TNFSF15: variants seen among roughly 807,000 people sequenced by gnomAD.
TNFSF15 encodes the protein TNF superfamily member 15, also known as tumor necrosis factor ligand superfamily member 15.
In TNFSF15, 15 loss-of-function variants were observed where a neutral mutation model predicts 26.4. The observed-to-expected ratio is 0.57, with a 90% confidence interval of 0.38 to 0.87. TNFSF15 has a LOEUF of 0.87. Among genes scored for constraint, TNFSF15 ranks in the 40% least tolerant of loss-of-function variants. The pLI, the probability that TNFSF15 is intolerant of heterozygous loss-of-function variation, is 0.00. For missense variants in TNFSF15, 290 were observed against 306.1 expected, an observed-to-expected ratio of 0.95 and a Z score of 0.39; for synonymous variants, 116 against 115.0, an observed-to-expected ratio of 1.01 and a Z score of -0.06.
intron 1 of TNFSF15, among the ~76,000 whole-genome samples, chr9:114,803,860 A>G (rs1359756544): frequency 6.6e-6 from 1 of 152,178 alleles, no homozygotes; most frequent in African/African-American, 2.4e-5. Flanking sequence ...ATGCCAAGGC[A>G]TGGTTGCTGG....
rs1464229248 is a variant in TNFSF15, at chr9:114,790,319, G to A, written c.*133C>T. 2 of 899,476 alleles carry A rather than the reference G, an allele frequency of 2.2e-6. No individual in the cohort carries two copies. The highest frequency in any genetic ancestry group is 3.4e-6 in the Non-Finnish European group (2 of 594,214). The allele number at this position is 899,476 out of a possible 1,614,324, so 55.7% of individuals were successfully genotyped here. On this transcript the variant is annotated 3_prime_UTR_variant, in exon 4 of 4. Coordinates refer to ENST00000374045, the MANE Select transcript of TNFSF15 (RefSeq NM_005118.4). ...GAAATTTTGGGCCCCAAATTTCATA[G>A]CTAAACCGTTGTCCCTGTGGAATGC...
At chr9:114,801,807 T>G (rs547689501) in intron 1 of TNFSF15, among the ~76,000 whole-genome samples, 25 of 152,324 alleles carry the variant, frequency 1.6e-4, no homozygotes, top group Admixed American at 7.2e-4. Flanking sequence ...GTTTTATTAT[T>G]TCTATACTTT....
intron 1 of TNFSF15, among the ~76,000 whole-genome samples, chr9:114,800,812 A>G (rs2131306836): frequency 6.6e-6 from 1 of 152,282 alleles, no homozygotes; most frequent in Non-Finnish European, 1.5e-5. Flanking sequence ...ATAATAAGTT[A>G]TTAAGAGGTC....
chr9:114,790,995 T>G, intron 3 of TNFSF15, 89 bp from the exon 4 acceptor site: 1 of 1,332,140 alleles, frequency 7.5e-7, no homozygotes, highest in Non-Finnish European at 1.0e-6. Context: ...CAAAATAGAC[T>G]AAAGTGATCG....
Position 114,786,693 on chromosome 9 carries a change from A to G in TNFSF15, c.*3759T>C, listed in dbSNP as rs191785709. 8 of 152,194 alleles carry G rather than the reference A, an allele frequency of 5.3e-5. No homozygotes were observed. Among genetic ancestry groups the G allele is most frequent in the Non-Finnish European group, 1.0e-4 (7 of 68,012 alleles). The allele number at this position is 152,194 out of a possible 1,614,324, so 9.4% of individuals were successfully genotyped here. Reference sequence around the variant, plus strand: ...TTTGGAAGGCTGAGGCGGGCGGATCACGAGGTCAGGAGATCGAGACCATCC... The same window carrying G: ...TTTGGAAGGCTGAGGCGGGCGGATCGCGAGGTCAGGAGATCGAGACCATCC... On this transcript the variant is annotated 3_prime_UTR_variant, in exon 4 of 4. Transcript: ENST00000374045.
At chr9:114,792,184 A>G in intron 3 of TNFSF15, 1 of 553,304 alleles carries the variant, frequency 1.8e-6, no homozygotes, top group Non-Finnish European at 3.1e-6. Context: ...AGATGAATAG[A>G]TAAGGAAAAC....
chr9:114,797,080 A>G (rs1261800744), intron 1 of TNFSF15, among the ~76,000 whole-genome samples: 3 of 152,322 alleles, frequency 2.0e-5, no homozygotes, highest in South Asian at 4.1e-4. Context: ...TAGGAAAGGT[A>G]CCTGCCCTGG....
At chr9:114,801,013 C>A (rs1295174907) in intron 1 of TNFSF15, among the ~76,000 whole-genome samples, 2 of 152,078 alleles carry the variant, frequency 1.3e-5, no homozygotes, top group Non-Finnish European at 1.5e-5. Context: ...TGGAGGGAAC[C>A]AAGGAGAATG....
chr9:114,791,211 A>T, intron 3 of TNFSF15: 1 of 529,622 alleles, frequency 1.9e-6, no homozygotes, highest in Non-Finnish European at 3.4e-6. Flanking sequence ...AGGTTAAGGA[A>T]TCCCCCTATT....
chr9:114,794,257 G>A (rs890356815), intron 1 of TNFSF15, among the ~76,000 whole-genome samples: 3 of 152,178 alleles, frequency 2.0e-5, no homozygotes, highest in Admixed American at 1.3e-4. Context: ...TTACTCATAG[G>A]ATTGAGGTGA....
Position 114,786,082 on chromosome 9 carries a change from A to G in TNFSF15, c.*4370T>C, listed in dbSNP as rs1172940035. 6.6e-6 allele frequency: 1 copy of G among 152,350 alleles called. No individual in the cohort carries two copies. Among genetic ancestry groups the G allele is most frequent in the Non-Finnish European group, 1.5e-5 (1 of 68,044 alleles). The allele number at this position is 152,350 out of a possible 1,614,324, so 9.4% of individuals were successfully genotyped here. On this transcript the variant is annotated 3_prime_UTR_variant, in exon 4 of 4. Transcript: ENST00000374045. ...TGGCTCTGATCCACATTCTCTCACCACTGGTGCAAAAGGATTCAAGGCTTA... is the reference window on the plus strand; with the variant it reads ...TGGCTCTGATCCACATTCTCTCACCGCTGGTGCAAAAGGATTCAAGGCTTA...
In TNFSF15 at chr9:114,785,223, G is replaced by A. The variant is rs1829478917; in HGVS notation, c.*5229C>T. 1 of 152,208 alleles carries A rather than the reference G, an allele frequency of 6.6e-6. No homozygotes were observed. The highest frequency in any genetic ancestry group is 1.5e-5 in the Non-Finnish European group (1 of 68,038). 9.4% of individuals were successfully genotyped at this position (152,208 alleles called of 1,614,324 possible). On this transcript the variant is annotated 3_prime_UTR_variant, in exon 4 of 4. Transcript: ENST00000374045. ...CTACTGTCTGGCACTGGCCACGAAGGGTGACAGGGTGTGGATGTGATGGCT... is the reference window on the plus strand; with the variant it reads ...CTACTGTCTGGCACTGGCCACGAAGAGTGACAGGGTGTGGATGTGATGGCT...
Position 114,790,699 on chromosome 9 carries a change from C to A in TNFSF15, c.509G>T (p.Arg170Leu), listed in dbSNP as rs144487361. Reference sequence around the variant, plus strand: ...AGTGATGGAGTCTGGCTTGTTTGGTCGGCCTGCTTGTCTGATTTCACTGCA... The same window carrying A: ...AGTGATGGAGTCTGGCTTGTTTGGTAGGCCTGCTTGTCTGATTTCACTGCA... ...SECSEIRQAG[R>L]PNKPDSITVV... The change falls in exon 4 of 4, where the codon CGA becomes CTA. Residue 170 changes from arginine to leucine, a missense_variant. Coordinates refer to ENST00000374045, the MANE Select transcript of TNFSF15 (RefSeq NM_005118.4). 6.2e-7 allele frequency: 1 copy of A among 1,613,972 alleles called. No homozygotes were observed.
intron 3 of TNFSF15, 136 bp from the exon 4 acceptor site, chr9:114,791,042 ATGAATGAAGAATATG>A: frequency 3.9e-6 from 3 of 765,926 alleles, no homozygotes; most frequent in Non-Finnish European, 6.4e-6. Context: ...TTGGGGAGGA[ATGAATGAAGAATATG>A]TGACTGGACA....
intron 2 of TNFSF15, among the ~76,000 whole-genome samples, chr9:114,793,095 GTGT>G (rs1829627952): frequency 6.6e-6 from 1 of 152,166 alleles, no homozygotes; most frequent in Non-Finnish European, 1.5e-5. Context: ...AAATATGGTG[GTGT>G]TGATGATAAT....
chr9:114,792,691 G>C (rs1395413836), intron 2 of TNFSF15, among the ~76,000 whole-genome samples: 1 of 152,182 alleles, frequency 6.6e-6, no homozygotes, highest in Non-Finnish European at 1.5e-5. Flanking sequence ...TGGCCCCATG[G>C]CTTTGGGCAA....
At position 114,788,501 on chromosome 9, in the gene TNFSF15, T is replaced by C. The variant is rs1829541270; in HGVS notation, c.*1951A>G. 6.6e-6 allele frequency: 1 copy of C among 152,262 alleles called. No individual in the cohort carries two copies. Among genetic ancestry groups the C allele is most frequent in the Non-Finnish European group, 1.5e-5 (1 of 68,038 alleles). The allele number at this position is 152,262 out of a possible 1,614,324, so 9.4% of individuals were successfully genotyped here. On this transcript the variant is annotated 3_prime_UTR_variant, in exon 4 of 4. Coordinates refer to ENST00000374045, the MANE Select transcript of TNFSF15 (RefSeq NM_005118.4). ...TCAGAAATTAATTTTTATTTAATTA[T>C]AACTCAATAAATATTAATGAAGTGC...
Position 114,805,926 on chromosome 9 carries a change from C to T in TNFSF15, c.87G>A (p.Arg29=). The change falls in exon 1 of 4, where the codon AGG becomes AGA. Residue 29 remains arginine, a synonymous_variant. Coordinates refer to ENST00000374045, the MANE Select transcript of TNFSF15 (RefSeq NM_005118.4). ...TGAGAGCCCAGCGTGCGCTGCTGCTCCTGGCCTTGGGCCTGCAGCTGCCGT... is the reference window on the plus strand; with the variant it reads ...TGAGAGCCCAGCGTGCGCTGCTGCTTCTGGCCTTGGGCCTGCAGCTGCCGT... The part of the protein sequence containing the change: ...PEHGSCRPKA[R]SSSARWALTC... The T allele has an allele frequency of 3.1e-6, 5 of 1,614,150 alleles. No homozygotes were observed. Among genetic ancestry groups the T allele is most frequent in the Non-Finnish European group, 4.2e-6 (5 of 1,180,046 alleles).
At chr9:114,801,460 T>G (rs1829747112) in intron 1 of TNFSF15, among the ~76,000 whole-genome samples, 1 of 152,174 alleles carries the variant, frequency 6.6e-6, no homozygotes, top group South Asian at 2.1e-4. Context: ...AAAATCCCTC[T>G]AGTATCAACA....
Sources: gnomAD v4.1 joint callset for allele counts (sites outside exome capture counted in the v4.1 genomes callset) on GRCh38, gnomAD v4.1.1 for gene constraint, MANE v1.5 for transcripts, NCBI Gene and HGNC (gene_info 2026-07-23, HGNC 2026-07-21) for gene names.